The following PLEKHA1 variants were observed in gnomAD, a reference collection of about 807,000 sequenced individuals.
PLEKHA1 encodes the protein pleckstrin homology domain-containing family A member 1.
A neutral mutation model predicts 52.0 loss-of-function variants in PLEKHA1; 34 were observed. The ratio of observed to expected loss-of-function variants is 0.65; its 90% CI spans 0.50 to 0.87. The LOEUF is 0.87. Ranked by LOEUF, PLEKHA1 falls within the 40% of genes least tolerant of loss-of-function variation. PLEKHA1 has a pLI of 0.00. For synonymous variants in PLEKHA1, 163 were observed against 170.7 expected, an observed-to-expected ratio of 0.95 and a Z score of 0.35; for missense variants, 497 against 504.2, an observed-to-expected ratio of 0.99 and a Z score of 0.14.
chr10:122,398,299 T>C (rs998016795), intron 3 of PLEKHA1, among the ~76,000 whole-genome samples: 2 of 139,838 alleles, frequency 1.4e-5, no homozygotes, highest in African/African-American at 5.5e-5. Flanking sequence ...GTCTGTATTA[T>C]GTTTATTTAG....
chr10:122,385,676 C>T (rs561180733), intron 1 of PLEKHA1, among the ~76,000 whole-genome samples: 1 of 152,292 alleles, frequency 6.6e-6, no homozygotes, highest in East Asian at 1.9e-4. Context: ...GTTGTTGCAT[C>T]TGTCAGTAGT....
the PLEKHA1 span, chr10:122,442,149 T>G: frequency 0.12 from 17,624 of 152,280 alleles, 1,498 homozygotes; most frequent in East Asian, 0.36. Flanking sequence ...ATGACTCACT[T>G]TTCCATGTGA....
chr10:122,389,177 A>G (rs2096741962), intron 1 of PLEKHA1, among the ~76,000 whole-genome samples: 1 of 152,258 alleles, frequency 6.6e-6, no homozygotes, highest in Non-Finnish European at 1.5e-5. Context: ...TATGGCAGCT[A>G]TATTTCAAAT....
chr10:122,436,663 A>ATAAAATC (rs2097438795), downstream of PLEKHA1: 1 of 152,254 alleles, frequency 6.6e-6, no homozygotes, highest in Non-Finnish European at 1.5e-5. Context: ...GTAATATGTG[A>ATAAAATC]TAAAATCTAG....
intron 4 of PLEKHA1, among the ~76,000 whole-genome samples, chr10:122,405,897 G>A (rs11200616): frequency 0.99 from 150,274 of 152,134 alleles, 74,298 homozygotes; most frequent in Middle Eastern, 1. Context: ...AACAGCAGGA[G>A]TCAAGGAGAG....
chr10:122,391,358 A>G (rs2096772770), intron 1 of PLEKHA1, among the ~76,000 whole-genome samples: 1 of 152,186 alleles, frequency 6.6e-6, no homozygotes, highest in Non-Finnish European at 1.5e-5. Flanking sequence ...GCCAATTCCA[A>G]AGTAAGATTT....
chr10:122,398,863 AAAAAG>A (rs2096888055), intron 3 of PLEKHA1, among the ~76,000 whole-genome samples: 2 of 152,172 alleles, frequency 1.3e-5, no homozygotes, highest in African/African-American at 2.4e-5. Context: ...CTCATTGACC[AAAAAG>A]AAAAGAAAAG....
chr10:122,433,898 T>A (rs2097428989), downstream of PLEKHA1: 1 of 152,214 alleles, frequency 6.6e-6, no homozygotes, highest in African/African-American at 2.4e-5. Flanking sequence ...TTCCAAGAAC[T>A]TATCTAGGTT....
At chr10:122,375,231 G>A (rs939411421) in intron 1 of PLEKHA1, among the ~76,000 whole-genome samples, 1 of 152,208 alleles carries the variant, frequency 6.6e-6, no homozygotes, top group Non-Finnish European at 1.5e-5. Flanking sequence ...GCGCGCAGCT[G>A]CCCGGGGATT....
At chr10:122,427,821 A>G (rs1339398303) in intron 11 of PLEKHA1, among the ~76,000 whole-genome samples, 1 of 152,354 alleles carries the variant, frequency 6.6e-6, no homozygotes, top group East Asian at 1.9e-4. Context: ...CATATGTAGC[A>G]TGATAGCCTT....
At chr10:122,418,840 AACTTAT>A (rs2097217165) in intron 8 of PLEKHA1, 2 of 152,068 alleles carry the variant, frequency 1.3e-5, no homozygotes, top group African/African-American at 4.8e-5. Flanking sequence ...TTGAGAAGGG[AACTTAT>A]ACTTTGTTTG....
At position 122,398,593 on chromosome 10, in the gene PLEKHA1, TTGTG is replaced by T. The variant is rs10653605; in HGVS notation, c.198+644_198+647del. Among the ~76,000 whole-genome samples, 581 of 146,898 alleles carry T rather than the reference TTGTG, an allele frequency of 4.0e-3. 2 individuals carry two copies. Among genetic ancestry groups the T allele is most frequent in the Middle Eastern group, 7.0e-3 (2 of 286 alleles). ...ATGCTGAGGTGCTAACCCTATGGGT[TTGTG>T]TGTGTGTGTGTGTGTGTGTGTGTGC... On this transcript the variant is annotated intron_variant, in intron 3 of 11. Coordinates refer to ENST00000368990, the MANE Select transcript of PLEKHA1 (RefSeq NM_001001974.4).
At chr10:122,429,118 G>A (rs2097384011) in intron 11 of PLEKHA1, among the ~76,000 whole-genome samples, 1 of 152,178 alleles carries the variant, frequency 6.6e-6, no homozygotes, top group South Asian at 2.1e-4. Flanking sequence ...CTTATCAGCA[G>A]AATAATGTTT....
At chr10:122,399,256 G>A (rs1357238810) in intron 3 of PLEKHA1, among the ~76,000 whole-genome samples, 2 of 152,106 alleles carry the variant, frequency 1.3e-5, no homozygotes, top group Non-Finnish European at 2.9e-5. Flanking sequence ...GGAACCCCAG[G>A]CTTAGAATTC....
chr10:122,438,580 G>A, the PLEKHA1 span: 1 of 152,308 alleles, frequency 6.6e-6, no homozygotes, highest in Non-Finnish European at 1.5e-5. Context: ...GGTGGGGAAA[G>A]GTGTGAAAGG....
chr10:122,376,387 G>T (rs1405938709), intron 1 of PLEKHA1, among the ~76,000 whole-genome samples: 1 of 151,556 alleles, frequency 6.6e-6, no homozygotes, highest in Admixed American at 6.6e-5. Context: ...AATTAATAAA[G>T]TAGTTAATTT....
At chr10:122,418,162 C>T in intron 8 of PLEKHA1, 194 bp downstream of exon 8, 1 of 457,536 alleles carries the variant, frequency 2.2e-6, no homozygotes, top group Non-Finnish European at 3.9e-6. Context: ...TAAAAAGATC[C>T]TATCTTCAAA....
intron 4 of PLEKHA1, among the ~76,000 whole-genome samples, chr10:122,403,914 A>G (rs2096967514): frequency 6.6e-6 from 1 of 151,864 alleles, no homozygotes; most frequent in Non-Finnish European, 1.5e-5. Flanking sequence ...CTTGTCTCGA[A>G]CCCCTGACCT....
At chr10:122,441,351 C>G in the PLEKHA1 span, 1 of 152,028 alleles carries the variant, frequency 6.6e-6, no homozygotes, top group South Asian at 2.1e-4. Flanking sequence ...GTCTGTAGTC[C>G]CAGCGACTTG....
Sources: gnomAD v4.1 joint callset for allele counts (sites outside exome capture counted in the v4.1 genomes callset) on GRCh38, gnomAD v4.1.1 for gene constraint, MANE v1.5 for transcripts, NCBI Gene and HGNC (gene_info 2026-07-23, HGNC 2026-07-21) for gene names.